Variants in KCP observed in about 807,000 individuals in gnomAD.
KCP encodes kielin cysteine rich BMP regulator.
In KCP, 194 loss-of-function variants were observed where a neutral mutation model predicts 212.7. The ratio of observed to expected loss-of-function variants is 0.91; its 90% confidence interval spans 0.81 to 1.03. The LOEUF is 1.03. Among genes scored for constraint, KCP ranks in the 50% least tolerant of loss-of-function variants. The pLI is 0.00. For synonymous variants in KCP, 833 were observed against 865.3 expected, an observed-to-expected ratio of 0.96 and a Z score of 0.65; for missense variants, 2,080 against 2,162.5, an observed-to-expected ratio of 0.96 and a Z score of 0.76.
At position 128,909,431 on chromosome 7, in the gene KCP, T is replaced by C. The variant is rs564910493; in HGVS notation, c.77-863A>G. 4.1e-4 allele frequency among the ~76,000 whole-genome samples: 62 copies of C among 152,294 alleles called. 1 individual carries two copies. Among genetic ancestry groups the C allele is most frequent in the African/African-American group, 1.4e-3 (59 of 41,548 alleles). On this transcript the variant is annotated intron_variant, in intron 1 of 39. Coordinates refer to ENST00000610776, the MANE Select transcript of KCP (RefSeq NM_001366122.1). ...GACAGGGGAACAATGTCACCCACTG[T>C]CACCATCAAAGGCAGAGGGGATTCT...
At chr7:128,891,375 C>T in intron 18 of KCP, 76 bp downstream of exon 18, 1 of 1,545,832 alleles carries the variant, frequency 6.5e-7, no homozygotes, top group Non-Finnish European at 8.7e-7. Flanking sequence ...CCCCTCCCAC[C>T]TGGGCGGGCC....
chr7:128,894,307 T>A lies in KCP; in HGVS notation c.832-14A>T. 1 of 1,522,842 alleles carries A rather than the reference T, an allele frequency of 6.6e-7. No individual in the cohort carries two copies. The allele number at this position is 1,522,842 out of a possible 1,614,324, so 94.3% of individuals were successfully genotyped here. On this transcript the variant is annotated splice_polypyrimidine_tract_variant and intron_variant, in intron 8 of 39. Coordinates refer to ENST00000610776, the MANE Select transcript of KCP (RefSeq NM_001366122.1). ...GATGTGACCCTCCTGGTGGGGAGAATGAACAGGGGAAGGGGCCGACAGGGC... is the reference window on the plus strand; with the variant it reads ...GATGTGACCCTCCTGGTGGGGAGAAAGAACAGGGGAAGGGGCCGACAGGGC...
At position 128,877,168 on chromosome 7, in the gene KCP, C is replaced by T; in HGVS notation, c.4762G>A (p.Ala1588Thr). 2 of 1,493,754 alleles carry T rather than the reference C, an allele frequency of 1.3e-6. No homozygotes were observed. The highest frequency in any genetic ancestry group is 2.6e-5 in the South Asian group (2 of 75,694). The allele number at this position is 1,493,754 out of a possible 1,614,324, so 92.5% of individuals were successfully genotyped here. A position where few individuals can be genotyped will look rare whatever the true frequency, so the allele number is the denominator to read the frequency against. ...TGGGCCTCATGCTCCACCAGGCCTG[C>T]AGGGCACTGGCAGCCGGGCACGCAG... ...RPCVPGCQCP[A>T]GLVEHEAHCI... Residue 1588 changes from alanine to threonine, a missense_variant, in exon 40 of 40, where the codon GCA (alanine) becomes ACA (threonine). By Grantham distance (58) the Ala-to-Thr change is moderately conservative. Coordinates refer to ENST00000610776, the MANE Select transcript of KCP (RefSeq NM_001366122.1).
chr7:128,885,611 T>C (rs1793602874), intron 26 of KCP, among the ~76,000 whole-genome samples: 1 of 151,348 alleles, frequency 6.6e-6, no homozygotes, highest in Non-Finnish European at 1.5e-5. Flanking sequence ...GCTCCATCGC[T>C]AACCATGTGC....
Position 128,891,261 on chromosome 7 carries a change from G to A in KCP, c.1896C>T (p.Cys632=). Residue 632 remains cysteine, a synonymous_variant, in exon 19 of 40, where the codon TGC becomes TGT. Transcript: ENST00000610776. ...LCRCLSGNVQ[C]LARRCVPLPC... The stretch of plus-strand genomic sequence containing the variant: ...GCAGCGGCACGCAGCGGCGGGCCAG[G>A]CACTGCACGTTGCCGCTCTACGGAC... 6.5e-7 allele frequency: 1 copy of A among 1,547,114 alleles called. No homozygotes were observed. Among genetic ancestry groups the A allele is most frequent in the Non-Finnish European group, 8.7e-7 (1 of 1,146,698 alleles).
chr7:128,906,460 G>A lies in KCP; in HGVS notation c.487-97C>T, dbSNP rs993749947. ...TCAGCCCAGGCTGGGACATGTCATA[G>A]GGGCAAGAGGATGAGTTGGCTCTGT... On this transcript the variant is annotated intron_variant, in intron 4 of 39. Coordinates refer to ENST00000610776, the MANE Select transcript of KCP (RefSeq NM_001366122.1). 8.1e-6 allele frequency: 7 copies of A among 862,614 alleles called. No homozygotes were observed. The African/African-American group carries it at 1.0e-4, about 12-fold the overall frequency. The allele number at this position is 862,614 out of a possible 1,614,324, so 53.4% of individuals were successfully genotyped here. A position where few individuals can be genotyped will look rare whatever the true frequency, so the allele number is the denominator to read the frequency against.
chr7:128,890,401 T>C lies in KCP; in HGVS notation c.2277A>G (p.Ala759=). 3 of 1,551,210 alleles carry C rather than the reference T, an allele frequency of 1.9e-6. No individual in the cohort carries two copies. The highest frequency in any genetic ancestry group is 2.6e-6 in the Non-Finnish European group (3 of 1,146,976). ...GGAAGGGGCACAGTGCAGGGGCACA[T>C]GCCTTGGGCTCGCAGCTCACGCTGC... ...WEGSVSCEPK[A]CAPALCPFPA... is the part of the protein sequence containing the mutation. The change falls in exon 21 of 40, where the codon GCA becomes GCG. Residue 759 remains alanine (A), a synonymous_variant. Coordinates refer to ENST00000610776, the MANE Select transcript of KCP (RefSeq NM_001366122.1).
intron 16 of KCP, among the ~76,000 whole-genome samples, chr7:128,892,093 C>T (rs949246971): frequency 8.5e-5 from 13 of 152,152 alleles, no homozygotes; most frequent in African/African-American, 2.7e-4. Context: ...GTTTGACACA[C>T]GCCCTCACAC....
chr7:128,893,350 G>A (rs1794300017), intron 12 of KCP, 31 bp from the exon 13 acceptor site: 1 of 1,551,396 alleles, frequency 6.4e-7, no homozygotes, highest in African/African-American at 1.4e-5. Flanking sequence ...ACACCCTGAA[G>A]GAATGAGGCA....
rs565601205 is a variant in KCP at position 128,903,169 on chromosome 7, G to A, written c.749-310C>T. ...AGCCAACATTGCACACTCACCCTCC[G>A]TGTCAGGGCCACGCCTGTGCTTGAT... is the stretch of plus-strand genomic sequence containing the variant. On this transcript the variant is annotated intron_variant, in intron 7 of 39. Coordinates refer to ENST00000610776, the MANE Select transcript of KCP (RefSeq NM_001366122.1). 2.1e-4 allele frequency: 93 copies of A among 436,212 alleles called. 1 individual carries two copies. The highest frequency in any genetic ancestry group is 1.3e-3 in the African/African-American group (65 of 49,966). The allele number at this position is 436,212 out of a possible 1,614,324, so 27.0% of individuals were successfully genotyped here. A position where few individuals can be genotyped will look rare whatever the true frequency, so the allele number is the denominator to read the frequency against.
chr7:128,893,215 G>T, intron 13 of KCP, 23 bp downstream of exon 13: 1 of 1,549,028 alleles, frequency 6.5e-7, no homozygotes, highest in Non-Finnish European at 8.7e-7. Context: ...CATAGCAGCT[G>T]CTCCTCCCCC....
Position 128,876,918 on chromosome 7 carries a change from C to T in KCP, c.*125G>A, listed in dbSNP as rs545260546. ...TGACTCAACATGGCGGGGGTCTTTGCAGGGCAGGGGCCCAGGCTCCAGTGT... is the reference window on the plus strand; with the variant it reads ...TGACTCAACATGGCGGGGGTCTTTGTAGGGCAGGGGCCCAGGCTCCAGTGT... On this transcript the variant is annotated 3_prime_UTR_variant, in exon 40 of 40. Coordinates refer to ENST00000610776, the MANE Select transcript of KCP (RefSeq NM_001366122.1). The T allele has an allele frequency of 8.0e-4, 962 of 1,197,020 alleles. 6 individuals are homozygous for T. The African/African-American group carries it at 0.014, about 17-fold the overall frequency. 74.1% of individuals were successfully genotyped at this position (1,197,020 alleles called of 1,614,324 possible). A position where few individuals can be genotyped will look rare whatever the true frequency, so the allele number is the denominator to read the frequency against.
rs1794091960 is a variant in KCP, at chr7:128,891,094, C to CG, written c.1974dup (p.Ala659ArgfsTer118). ...CGTGGGCAGCCGGCGGGGGCTGGGG[C>CG]GGCTGCGGCGAGACAGCGCATCAAA... On this transcript the variant is annotated frameshift_variant and splice_region_variant, in exon 20 of 40. Transcript: ENST00000610776. LOFTEE classifies it high-confidence loss of function. 1 of 1,445,426 alleles carries CG rather than the reference C, an allele frequency of 6.9e-7. No homozygotes were observed. The highest frequency in any genetic ancestry group is 2.7e-5 in the East Asian group (1 of 36,594). The allele number at this position is 1,445,426 out of a possible 1,614,324, so 89.5% of individuals were successfully genotyped here.
chr7:128,904,709 C>T (rs2128950269), intron 5 of KCP, among the ~76,000 whole-genome samples: 1 of 152,358 alleles, frequency 6.6e-6, no homozygotes, highest in African/African-American at 2.4e-5. Context: ...CCTGGGGCAG[C>T]CTGGAAAACC....
intron 29 of KCP, among the ~76,000 whole-genome samples, chr7:128,883,483 G>C (rs1355877569): frequency 6.6e-6 from 1 of 152,082 alleles, no homozygotes; most frequent in Non-Finnish European, 1.5e-5. Flanking sequence ...TGCAAAGGTA[G>C]GTTATCATTT....
At chr7:128,889,153 G>T in intron 21 of KCP, 114 bp from the exon 22 acceptor site, 1 of 800,224 alleles carries the variant, frequency 1.2e-6, no homozygotes, top group Non-Finnish European at 1.8e-6. Flanking sequence ...AAGATCTAGC[G>T]TGGGGGCTGG....
In KCP at chr7:128,877,691, G is replaced by A. The variant is rs747429865; in HGVS notation, c.4411C>T (p.Arg1471Trp). Residue 1471 changes from arginine (R) to tryptophan (W), a missense_variant, in exon 39 of 40, where the codon CGG (arginine) becomes TGG (tryptophan). Physicochemically the swap from Arg to Trp is moderately radical, Grantham distance 101 (BLOSUM62 -3). Transcript: ENST00000610776. ...GGGGAGGACTTCAGCACCCCACACC[G>A]GGCATTGGCCTCACGCCTGGCACGG... ...GYRARREANA[R>W]CGVLKSSPFS... The A allele has an allele frequency of 2.6e-5, 41 of 1,551,180 alleles. No individual in the cohort carries two copies. In the East Asian group the frequency reaches 4.9e-4, roughly 18 times the overall value.
chr7:128,906,722 C>T lies in KCP; in HGVS notation c.487-359G>A, dbSNP rs58597837. Among the ~76,000 whole-genome samples, 378 of 152,034 alleles carry T rather than the reference C, an allele frequency of 2.5e-3. 3 individuals carry two copies. The highest frequency in any genetic ancestry group is 8.5e-3 in the African/African-American group (352 of 41,460). On this transcript the variant is annotated intron_variant, in intron 4 of 39. Coordinates refer to ENST00000610776, the MANE Select transcript of KCP (RefSeq NM_001366122.1). ...GGAGAATAGGCAGGCCAGGGGGTTC[C>T]GAAGTAGAAGATGGGCAGTGGAAGA... is the stretch of plus-strand genomic sequence containing the variant.
At chr7:128,901,625 C>CAA (rs373249414) in intron 8 of KCP, among the ~76,000 whole-genome samples, 2 of 142,376 alleles carry the variant, frequency 1.4e-5, no homozygotes, top group South Asian at 4.5e-4. Context: ...GACTCCGCCT[C>CAA]AAAAAAAAAA....
Sources: gnomAD v4.1 joint callset for allele counts (sites outside exome capture counted in the v4.1 genomes callset) on GRCh38, gnomAD v4.1.1 for gene constraint, MANE v1.5 for transcripts, NCBI Gene and HGNC (gene_info 2026-07-23, HGNC 2026-07-21) for gene names.